MINDY4: variants seen among roughly 807,000 people sequenced by gnomAD.
MINDY4 encodes MINDY lysine 48 deubiquitinase 4.
A neutral mutation model predicts 87.0 loss-of-function variants in MINDY4; 68 were observed. The observed-to-expected ratio is 0.78, with a 90% CI of 0.64 to 0.96. The LOEUF (loss-of-function observed/expected upper bound fraction) is 0.96, where lower values mean the gene tolerates loss of function less well. Ranked by LOEUF, MINDY4 falls within the 40% of genes least tolerant of loss-of-function variation. The pLI, the probability that MINDY4 is intolerant of heterozygous loss-of-function variation, is 0.00. For missense variants in MINDY4, 919 were observed against 928.2 expected, an observed-to-expected ratio of 0.99 and a Z score of 0.13; for synonymous variants, 379 against 363.2, an observed-to-expected ratio of 1.04 and a Z score of -0.50.
intron 13 of MINDY4, among the ~76,000 whole-genome samples, chr7:30,868,033 T>C (rs1789993309): frequency 6.6e-6 from 1 of 152,150 alleles, no homozygotes; most frequent in Non-Finnish European, 1.5e-5. Context: ...TGGTGTTAGG[T>C]GAATGGCTGT....
At chr7:30,808,483 T>C (rs1266859607) in intron 5 of MINDY4, among the ~76,000 whole-genome samples, 1 of 152,168 alleles carries the variant, frequency 6.6e-6, no homozygotes, top group African/African-American at 2.4e-5. Context: ...TTACTCGTTC[T>C]TTGTTTTGTG....
intron 3 of MINDY4, among the ~76,000 whole-genome samples, chr7:30,784,152 G>A (rs890176379): frequency 3.8e-4 from 36 of 94,986 alleles, no homozygotes; most frequent in Non-Finnish European, 7.2e-4. Context: ...TTCATAAGGG[G>A]CTATGAAGAA....
chr7:30,832,091 G>A (rs1218487470), intron 6 of MINDY4, among the ~76,000 whole-genome samples: 1 of 152,174 alleles, frequency 6.6e-6, no homozygotes, highest in African/African-American at 2.4e-5. Flanking sequence ...ATTCCTCCCT[G>A]TAGAAGCCAA....
intron 12 of MINDY4, among the ~76,000 whole-genome samples, chr7:30,856,503 C>T (rs566024728): frequency 8.6e-5 from 13 of 151,730 alleles, no homozygotes; most frequent in East Asian, 7.8e-4. Context: ...TAATAGTTCC[C>T]CAAATTTACA....
chr7:30,865,140 G>A (rs1335871670), intron 13 of MINDY4, among the ~76,000 whole-genome samples: 1 of 152,272 alleles, frequency 6.6e-6, no homozygotes, highest in Admixed American at 6.5e-5. Context: ...TGACCCATGG[G>A]CTCCCGTCTC....
chr7:30,849,811 G>A (rs1164227491), intron 9 of MINDY4, among the ~76,000 whole-genome samples: 1 of 152,216 alleles, frequency 6.6e-6, no homozygotes, highest in African/African-American at 2.4e-5. Context: ...AGTCTGAAGT[G>A]TGACTCTTTA....
intron 14 of MINDY4, among the ~76,000 whole-genome samples, chr7:30,872,547 T>C (rs1027426944): frequency 6.6e-6 from 1 of 152,228 alleles, no homozygotes; most frequent in Non-Finnish European, 1.5e-5. Flanking sequence ...CTGATGTATG[T>C]GCTCAGAGCT....
In MINDY4 at chr7:30,853,413, C is replaced by T; in HGVS notation, c.1631C>T (p.Thr544Ile). ...TCTCAGCTTACGCTTCACAGTTTGA[C>T]CTGCTATGAGGACCTGGTGACTTTT... is the stretch of plus-strand genomic sequence containing the variant. ...VLETLTLHSL[T>I]CYEDLVTFLQ... The change falls in exon 12 of 18, where the codon ACC becomes ATC. Residue 544 changes from threonine to isoleucine, a missense_variant. Transcript: ENST00000265299. The T allele has an allele frequency of 6.2e-7, 1 of 1,613,754 alleles. No individual in the cohort carries two copies. Among genetic ancestry groups the T allele is most frequent in the Non-Finnish European group, 8.5e-7 (1 of 1,179,852 alleles).
At chr7:30,778,369 C>G (rs1562527755) in intron 1 of MINDY4, 63 bp from the exon 2 acceptor site, 1 of 1,609,106 alleles carries the variant, frequency 6.2e-7, no homozygotes, top group Non-Finnish European at 8.5e-7. Context: ...TTTGCTTGTG[C>G]TTTATGAGAA....
At position 30,782,172 on chromosome 7, in the gene MINDY4, G is replaced by T. The variant is rs922626743; in HGVS notation, c.379G>T (p.Ala127Ser). The change falls in exon 3 of 18, where the codon GCA becomes TCA. Residue 127 changes from alanine to serine, a missense_variant. Coordinates refer to ENST00000265299, the MANE Select transcript of MINDY4 (RefSeq NM_032222.3). ...TATATATGACCTTTCAGATGAAGAT[G>T]CAGGATGGAGAACATCATTGTCAGA... ...VNIYDLSDED[A>S]GWRTSLSETS... 6.2e-7 allele frequency: 1 copy of T among 1,613,776 alleles called. No individual in the cohort carries two copies. The highest frequency in any genetic ancestry group is 1.3e-5 in the African/African-American group (1 of 74,920).
At chr7:30,868,842 T>G (rs1244260217) in intron 13 of MINDY4, among the ~76,000 whole-genome samples, 1 of 152,228 alleles carries the variant, frequency 6.6e-6, no homozygotes, top group Non-Finnish European at 1.5e-5. Context: ...CAAGCATCCC[T>G]GGAGGCTGGG....
chr7:30,775,889 C>A (rs1786795308), intron 1 of MINDY4, among the ~76,000 whole-genome samples: 1 of 152,214 alleles, frequency 6.6e-6, no homozygotes, highest in South Asian at 2.1e-4. Context: ...TAAATGGCAT[C>A]TCTGTCCTTC....
intron 14 of MINDY4, 121 bp downstream of exon 14, chr7:30,872,427 C>G: frequency 3.4e-6 from 3 of 892,288 alleles, no homozygotes; most frequent in South Asian, 3.1e-5. Context: ...TCTGCCAACA[C>G]TCTTCAAGCA....
At chr7:30,857,892 A>C (rs1336581261) in intron 12 of MINDY4, 1 of 152,312 alleles carries the variant, frequency 6.6e-6, no homozygotes, top group African/African-American at 2.4e-5. Context: ...GGAAAAGAAA[A>C]GGTAATTTTA....
At chr7:30,889,051 G>A (rs1278239280) in intron 17 of MINDY4, among the ~76,000 whole-genome samples, 3 of 152,178 alleles carry the variant, frequency 2.0e-5, no homozygotes, top group Admixed American at 6.5e-5. Context: ...GGGGCGGGGT[G>A]AAGGGGCCTG....
At chr7:30,880,350 C>A (rs1790425890) in intron 15 of MINDY4, among the ~76,000 whole-genome samples, 1 of 149,196 alleles carries the variant, frequency 6.7e-6, no homozygotes, top group Non-Finnish European at 1.5e-5. Context: ...TTTGGTTACC[C>A]AAGAATTTAA....
chr7:30,849,853 C>T (rs1173554344), intron 9 of MINDY4, among the ~76,000 whole-genome samples: 1 of 152,232 alleles, frequency 6.6e-6, no homozygotes, highest in African/African-American at 2.4e-5. Flanking sequence ...TTCCCAGCCA[C>T]ATTGTCCTTA....
rs548764248 is a variant in MINDY4, at chr7:30,788,445, G to A, written c.663+2453G>A. On this transcript the variant is annotated intron_variant, in intron 4 of 17. Transcript: ENST00000265299. ...TGAGTTATATAGATCTTCCAAATGT[G>A]GACACATCTCATTAGACAAAAAGAA... 1.1e-4 allele frequency among the ~76,000 whole-genome samples: 16 copies of A among 152,092 alleles called. No homozygotes were observed. In the South Asian group the frequency reaches 3.3e-3, roughly 32 times the overall value.
intron 5 of MINDY4, among the ~76,000 whole-genome samples, chr7:30,812,261 ATG>A (rs151038701): frequency 0.013 from 1,016 of 76,974 alleles, 14 homozygotes; most frequent in Non-Finnish European, 0.015. Context: ...AATAATGTGT[ATG>A]TGTGTTGAGG....
Sources: allele counts gnomAD v4.1 joint callset (sites outside exome capture counted in the v4.1 genomes callset), GRCh38; gene constraint gnomAD v4.1.1; transcripts MANE v1.5; gene names NCBI Gene and HGNC (gene_info 2026-07-23, HGNC 2026-07-21).